The following PABPC1 variants were observed in gnomAD, a reference collection of about 807,000 sequenced individuals.
The protein encoded by PABPC1 is polyadenylate-binding protein 1.
PABPC1 carries 4 observed loss-of-function variants against 74.0 expected under a neutral mutation model. The ratio of observed to expected loss-of-function variants is 0.05; its 90% CI spans 0.03 to 0.12. The LOEUF is 0.12. PABPC1 is among the 10% of genes least tolerant of loss of function. The pLI is 1.00. For synonymous variants in PABPC1, 227 were observed against 264.1 expected (o/e 0.86, Z 1.36); for missense variants, 271 against 821.1 (o/e 0.33, Z 8.19).
chr8:100,705,750 T>C, intron 11 of PABPC1, 77 bp from the exon 12 acceptor site: 1 of 917,220 alleles, frequency 1.1e-6, no homozygotes, highest in Non-Finnish European at 1.8e-6. Context: ...AATGGACATC[T>C]GCTGAAGTGG....
intron 1 of PABPC1, among the ~76,000 whole-genome samples, chr8:100,720,551 C>T (rs959144312): frequency 6.6e-6 from 1 of 152,196 alleles, no homozygotes; most frequent in Non-Finnish European, 1.5e-5. Context: ...ACGACAGGAA[C>T]TATTTCAGAA....
chr8:100,716,200 T>C (rs1322958231), intron 3 of PABPC1, among the ~76,000 whole-genome samples: 1 of 152,176 alleles, frequency 6.6e-6, no homozygotes, highest in Admixed American at 6.5e-5. Flanking sequence ...GGCCAGGAAT[T>C]CGAGTTCAGC....
chr8:100,706,126 G>A (rs1810372539), intron 11 of PABPC1, among the ~76,000 whole-genome samples: 2 of 152,132 alleles, frequency 1.3e-5, no homozygotes, highest in South Asian at 4.1e-4. Flanking sequence ...ATTACATAGA[G>A]GTGTGAGCCA....
chr8:100,717,017 T>C (rs1810689078), intron 3 of PABPC1, among the ~76,000 whole-genome samples: 1 of 150,766 alleles, frequency 6.6e-6, no homozygotes, highest in Non-Finnish European at 1.5e-5. Context: ...TGAGTATTTA[T>C]TTATTTTTTT....
intron 1 of PABPC1, among the ~76,000 whole-genome samples, chr8:100,718,751 C>T (rs1358917270): frequency 6.6e-6 from 1 of 151,980 alleles, no homozygotes; most frequent in Non-Finnish European, 1.5e-5. Context: ...CATTTCATTG[C>T]TAATAACTAA....
chr8:100,721,137 AGTTT>A lies in PABPC1; in HGVS notation c.193+250_193+253del, dbSNP rs1214289786. ...CCCTCCCGGCGCGTCATCACCCTAA[AGTTT>A]GAGAGCGTCTGAGGCCGAGAAAATG... On this transcript the variant is annotated intron_variant, in intron 1 of 14. Coordinates refer to ENST00000318607, the MANE Select transcript of PABPC1 (RefSeq NM_002568.4). This position sits in a 1 kb window ranked among gnomAD's most constrained non-coding sequence, Gnocchi z 7.4. Among the ~76,000 whole-genome samples the A allele has an allele frequency of 6.6e-6, 1 of 152,002 alleles. No individual in the cohort carries two copies. The highest frequency in any genetic ancestry group is 1.5e-5 in the Non-Finnish European group (1 of 67,956).
Position 100,705,071 on chromosome 8 carries a change from A to G in PABPC1, c.1688-15T>C, listed in dbSNP as rs764643573. 34 of 1,597,450 alleles carry G rather than the reference A, an allele frequency of 2.1e-5. No individual in the cohort carries two copies. The Admixed American group carries it at 3.4e-4, about 16-fold the overall frequency. On this transcript the variant is annotated splice_polypyrimidine_tract_variant and intron_variant, in intron 12 of 14. Coordinates refer to ENST00000318607, the MANE Select transcript of PABPC1 (RefSeq NM_002568.4). ...CAGCCGTTCACCTAGGAACAGAAAC[A>G]TTCAAAAACTCCCTTCAATAAAAAA...
At chr8:100,711,294 A>G (rs1013139769) in intron 7 of PABPC1, among the ~76,000 whole-genome samples, 3 of 152,124 alleles carry the variant, frequency 2.0e-5, no homozygotes, top group African/African-American at 7.2e-5. Context: ...GACAAAAAAA[A>G]AACACCTCAT....
intron 1 of PABPC1, among the ~76,000 whole-genome samples, chr8:100,719,946 G>A (rs912764805): frequency 6.6e-6 from 1 of 152,250 alleles, no homozygotes; most frequent in African/African-American, 2.4e-5. Flanking sequence ...CAGGAAACCT[G>A]CAGTGCAGTT....
rs865848623 is a variant in PABPC1, at chr8:100,706,562, T to C, written c.1602+89A>G. The C allele has an allele frequency of 6.7e-5, 78 of 1,172,404 alleles. No homozygotes were observed. The Middle Eastern group carries it at 1.2e-3, about 18-fold the overall frequency. 72.6% of individuals were successfully genotyped at this position (1,172,404 alleles called of 1,614,324 possible). A position where few individuals can be genotyped will look rare whatever the true frequency, so the allele number is the denominator to read the frequency against. ...TCAACCTCCCAAAGTGCTGGGGTTA[T>C]AGGTGTGAGCCACTGTGCCCAGCTG... On this transcript the variant is annotated intron_variant, in intron 11 of 14. Coordinates refer to ENST00000318607, the MANE Select transcript of PABPC1 (RefSeq NM_002568.4).
intron 12 of PABPC1, 84 bp from the exon 13 acceptor site, chr8:100,705,140 A>C: frequency 9.2e-7 from 1 of 1,086,076 alleles, no homozygotes; most frequent in Non-Finnish European, 1.4e-6. Context: ...CTGGGGTTTA[A>C]GAACCATACT....
chr8:100,704,073 A>C lies in PABPC1; in HGVS notation c.*1+224T>G, dbSNP rs1587142059. ...CCATCTCAAAAAAAAAAAAAAAAAA[A>C]AACACCACCTGAAAGTCCTGGGATT... On this transcript the variant is annotated intron_variant, in intron 14 of 14. Transcript: ENST00000318607. The C allele has an allele frequency of 1.2e-5, 5 of 400,986 alleles. No individual in the cohort carries two copies. In the East Asian group the frequency reaches 1.5e-4, roughly 12 times the overall value. The allele number at this position is 400,986 out of a possible 1,614,324, so 24.8% of individuals were successfully genotyped here. A position where few individuals can be genotyped will look rare whatever the true frequency, so the allele number is the denominator to read the frequency against.
Position 100,712,793 on chromosome 8 carries a change from C to T in PABPC1, c.739-4G>A, listed in dbSNP as rs1488261345. The T allele has an allele frequency of 5.9e-6, 9 of 1,521,350 alleles. No homozygotes were observed. Among genetic ancestry groups the T allele is most frequent in the Non-Finnish European group, 7.8e-6 (9 of 1,152,398 alleles). The allele number at this position is 1,521,350 out of a possible 1,614,324, so 94.2% of individuals were successfully genotyped here. A position where few individuals can be genotyped will look rare whatever the true frequency, so the allele number is the denominator to read the frequency against. Reference sequence around the variant, plus strand: ...TTCCGTTCATCTCATCCACAGCCTTCCCCCCAAAAAAAAAGAAAAAAAAAA... The same window carrying T: ...TTCCGTTCATCTCATCCACAGCCTTTCCCCCAAAAAAAAAGAAAAAAAAAA... On this transcript the variant is annotated splice_region_variant and splice_polypyrimidine_tract_variant and intron_variant, in intron 5 of 14. Coordinates refer to ENST00000318607, the MANE Select transcript of PABPC1 (RefSeq NM_002568.4).
In PABPC1 at chr8:100,704,333, C is replaced by T. The variant is rs758818326; in HGVS notation, c.1876G>A (p.Ala626Thr). 13 of 1,614,088 alleles carry T rather than the reference C, an allele frequency of 8.1e-6. No homozygotes were observed. Among genetic ancestry groups the T allele is most frequent in the South Asian group, 5.5e-5 (5 of 91,082 alleles). ...AHQAKEAAQK[A>T]VNSATGVPTV ...GGAACACCGGTGGCACTGTTAACTG[C>T]TTTCTGGGCAGCCTCTTTAGCTTGG... The change falls in exon 14 of 15, where the codon GCA becomes ACA. Residue 626 changes from alanine to threonine, a missense_variant. Coordinates refer to ENST00000318607, the MANE Select transcript of PABPC1 (RefSeq NM_002568.4).
intron 9 of PABPC1, chr8:100,707,286 G>T: frequency 7.5e-6 from 2 of 267,464 alleles, no homozygotes; most frequent in South Asian, 3.7e-5. Flanking sequence ...ACGAGACACA[G>T]AGATTTAAAA....
At chr8:100,715,624 T>A (rs1280769896) in intron 3 of PABPC1, 23 bp from the exon 4 acceptor site, 1 of 1,538,826 alleles carries the variant, frequency 6.5e-7, no homozygotes, top group Admixed American at 1.8e-5. Context: ...ACAAGGACTA[T>A]AACATTAGAT....
intron 4 of PABPC1, among the ~76,000 whole-genome samples, chr8:100,714,224 G>A (rs2129725923): frequency 6.6e-6 from 1 of 152,286 alleles, no homozygotes; most frequent in Non-Finnish European, 1.5e-5. Flanking sequence ...TCATACGGTA[G>A]GTAGTTAACA....
chr8:100,713,210 A>T (rs776678314), intron 4 of PABPC1, 29 bp from the exon 5 acceptor site: 1 of 1,301,934 alleles, frequency 7.7e-7, no homozygotes, highest in South Asian at 1.3e-5. Flanking sequence ...TAAATCAAAG[A>T]TATTCCATAC....
rs1810818161 is a variant in PABPC1, at chr8:100,721,226, C to G, written c.193+165G>C. On this transcript the variant is annotated intron_variant, in intron 1 of 14. Coordinates refer to ENST00000318607, the MANE Select transcript of PABPC1 (RefSeq NM_002568.4). The surrounding 1 kb of genome is among the most constrained non-coding windows in gnomAD (Gnocchi z 7.4). ...CCGGCAGCGCGGGTCCCCGCCGGCTCGGGAAACGCGGCTCCAGGGACCCCG... is the reference window on the plus strand; with the variant it reads ...CCGGCAGCGCGGGTCCCCGCCGGCTGGGGAAACGCGGCTCCAGGGACCCCG... 6.6e-6 allele frequency among the ~76,000 whole-genome samples: 1 copy of G among 151,434 alleles called. No homozygotes were observed. The highest frequency in any genetic ancestry group is 2.4e-5 in the African/African-American group (1 of 41,350).
Sources: allele counts gnomAD v4.1 joint callset (sites outside exome capture counted in the v4.1 genomes callset), GRCh38; gene constraint gnomAD v4.1.1; non-coding constraint Gnocchi (gnomAD v3.1); transcripts MANE v1.5; gene names NCBI Gene and HGNC (gene_info 2026-07-23, HGNC 2026-07-21).